The following ROCK2 variants were observed in gnomAD, a reference collection of about 807,000 sequenced individuals.
ROCK2 encodes the protein Rho associated coiled-coil containing protein kinase 2.
ROCK2 carries 61 observed loss-of-function variants against 195.1 expected under a neutral mutation model. The ratio of observed to expected loss-of-function variants is 0.31; its 90% CI spans 0.25 to 0.39. The LOEUF (loss-of-function observed/expected upper bound fraction) is 0.39, where lower values mean the gene tolerates loss of function less well. Ranked by LOEUF, ROCK2 falls within the 10% of genes least tolerant of loss-of-function variation. ROCK2 has a pLI of 1.00. For missense variants in ROCK2, 1,109 were observed against 1,637.4 expected (o/e 0.68, Z 5.57); for synonymous variants, 504 against 545.5 (o/e 0.92, Z 1.06).
chr2:11,217,789 G>A (rs1664486207), intron 11 of ROCK2: 1 of 153,120 alleles, frequency 6.5e-6, no homozygotes, highest in Non-Finnish European at 1.5e-5. Context: ...TCCATTTTTG[G>A]AACATTATTT....
intron 3 of ROCK2, among the ~76,000 whole-genome samples, chr2:11,285,559 G>A (rs1314098507): frequency 6.6e-6 from 1 of 152,120 alleles, no homozygotes; most frequent in Non-Finnish European, 1.5e-5. Context: ...ACAGTGAGGT[G>A]TCTCATGCTT....
At position 11,214,824 on chromosome 2, in the gene ROCK2, A is replaced by G; in HGVS notation, c.1936+16T>C. The G allele has an allele frequency of 1.3e-6, 2 of 1,584,532 alleles. No homozygotes were observed. On this transcript the variant is annotated intron_variant, in intron 16 of 32. Transcript: ENST00000315872. ...AATCATCAAAATTAATTCAAGTGCA[A>G]CCACGACTTCAATACCTTGTAAATC...
chr2:11,318,290 T>A (rs2148243597), intron 1 of ROCK2, among the ~76,000 whole-genome samples: 1 of 152,352 alleles, frequency 6.6e-6, no homozygotes, highest in Non-Finnish European at 1.5e-5. Flanking sequence ...TCCTGACTTT[T>A]TAATGATAGC....
At chr2:11,252,944 TAATAATAATAATAATA>T (rs1271848468) in intron 3 of ROCK2, among the ~76,000 whole-genome samples, 1 of 89,312 alleles carries the variant, frequency 1.1e-5, no homozygotes, top group African/African-American at 5.2e-5. Context: ...AAAAGTATAA[TAATAATAATAATAATA>T]ATAATAATAA....
At chr2:11,293,197 G>A (rs183679162) in intron 1 of ROCK2, among the ~76,000 whole-genome samples, 2 of 152,132 alleles carry the variant, frequency 1.3e-5, no homozygotes, top group Admixed American at 6.5e-5. Flanking sequence ...ACATCATCAC[G>A]GTTCTGCCAT....
Position 11,182,536 on chromosome 2 carries a change from T to C in ROCK2, c.*901A>G, listed in dbSNP as rs758857096. On this transcript the variant is annotated 3_prime_UTR_variant, in exon 33 of 33. Transcript: ENST00000315872. The stretch of plus-strand genomic sequence containing the variant: ...ATAACCAATAATACTTTAAAAACAT[T>C]TGTTAATCAAAATAGGCTGACATTG... The C allele has an allele frequency of 6.6e-6, 1 of 152,278 alleles. No homozygotes were observed. Among genetic ancestry groups the C allele is most frequent in the Non-Finnish European group, 1.5e-5 (1 of 68,046 alleles). 9.4% of individuals were successfully genotyped at this position (152,278 alleles called of 1,614,324 possible).
At chr2:11,191,141 C>T (rs1270094683) in intron 32 of ROCK2, among the ~76,000 whole-genome samples, 1 of 152,148 alleles carries the variant, frequency 6.6e-6, no homozygotes, top group Non-Finnish European at 1.5e-5. Flanking sequence ...CAAAAGGATA[C>T]CTGAAATCAG....
At chr2:11,188,103 ATTT>A (rs747304783) in intron 32 of ROCK2, among the ~76,000 whole-genome samples, 9 of 112,624 alleles carry the variant, frequency 8.0e-5, no homozygotes, top group Non-Finnish European at 1.2e-4. Flanking sequence ...CTGGTATATA[ATTT>A]TTTTTTTTTT....
In ROCK2 at chr2:11,236,563, T is replaced by C. The variant is rs183361379; in HGVS notation, c.463-601A>G. 7.9e-5 allele frequency among the ~76,000 whole-genome samples: 12 copies of C among 152,264 alleles called. No homozygotes were observed. The East Asian group carries it at 9.6e-4, about 12-fold the overall frequency. On this transcript the variant is annotated intron_variant, in intron 4 of 32. Transcript: ENST00000315872. ...GTTTACTGAGACTATAGCAGTAGCA[T>C]TGGGACCAGAGAAAGAAGATACCAG...
chr2:11,335,108 TACACACAC>T (rs59721285), intron 1 of ROCK2, among the ~76,000 whole-genome samples: 1,584 of 144,786 alleles, frequency 0.011, 13 homozygotes, highest in African/African-American at 0.018. Flanking sequence ...CTTTGACTGA[TACACACAC>T]ACACACACAC....
In ROCK2 at chr2:11,181,617, G is replaced by A. The variant is rs928282345; in HGVS notation, c.*1820C>T. On this transcript the variant is annotated 3_prime_UTR_variant, in exon 33 of 33. Coordinates refer to ENST00000315872, the MANE Select transcript of ROCK2 (RefSeq NM_004850.5). ...ATGAAAAATGTCTATTTCCTTCATC[G>A]AAATATTAGATGACTTTTTTTTTTT... 5 of 148,764 alleles carry A rather than the reference G, an allele frequency of 3.4e-5. No homozygotes were observed. The highest frequency in any genetic ancestry group is 1.3e-4 in the Admixed American group (2 of 14,918). 9.2% of individuals were successfully genotyped at this position (148,764 alleles called of 1,614,324 possible). A position where few individuals can be genotyped will look rare whatever the true frequency, so the allele number is the denominator to read the frequency against.
chr2:11,216,720 C>CT lies in ROCK2; in HGVS notation c.1412+369dup, dbSNP rs1012481446. On this transcript the variant is annotated intron_variant, in intron 12 of 32. Coordinates refer to ENST00000315872, the MANE Select transcript of ROCK2 (RefSeq NM_004850.5). ...CCATAGCTCTCCGTTTCTGTTTTTT[C>CT]TTTTTTTTTCTTTTGTTTCTTTGAG... 4.1e-5 allele frequency among the ~76,000 whole-genome samples: 6 copies of CT among 147,838 alleles called. No individual in the cohort carries two copies. In the East Asian group the frequency reaches 1.0e-3, roughly 25 times the overall value.
intron 13 of ROCK2, among the ~76,000 whole-genome samples, chr2:11,215,909 A>T (rs1664409492): frequency 6.6e-6 from 1 of 152,240 alleles, no homozygotes; most frequent in Non-Finnish European, 1.5e-5. Context: ...CTTTGGCCTA[A>T]AATGTTATGA....
intron 6 of ROCK2, among the ~76,000 whole-genome samples, chr2:11,226,960 C>A (rs1209842308): frequency 6.6e-6 from 1 of 150,544 alleles, no homozygotes; most frequent in Non-Finnish European, 1.5e-5. Flanking sequence ...AATGAAGGCC[C>A]ACTGAAGCTG....
At position 11,182,952 on chromosome 2, in the gene ROCK2, CTATA is replaced by C. The variant is rs4027163; in HGVS notation, c.*481_*484del. The C allele has an allele frequency of 9.3e-3, 1,377 of 148,412 alleles. 10 individuals carry two copies. Among genetic ancestry groups the C allele is most frequent in the African/African-American group, 0.024 (970 of 40,444 alleles). The allele number at this position is 148,412 out of a possible 1,614,324, so 9.2% of individuals were successfully genotyped here. A position where few individuals can be genotyped will look rare whatever the true frequency, so the allele number is the denominator to read the frequency against. ...AAAACCTTCTTGCAGTATTAGAGTA[CTATA>C]TATATATATATATATGTGTGTGTGT... is the stretch of plus-strand genomic sequence containing the variant. On this transcript the variant is annotated 3_prime_UTR_variant, in exon 33 of 33. Transcript: ENST00000315872.
intron 1 of ROCK2, among the ~76,000 whole-genome samples, chr2:11,297,951 T>C (rs1667586962): frequency 1.3e-5 from 2 of 152,074 alleles, no homozygotes; most frequent in South Asian, 4.1e-4. Flanking sequence ...AAAATAAAAA[T>C]TTCATGAAAA....
At chr2:11,309,075 A>T in intron 1 of ROCK2, 2 of 1,327,032 alleles carry the variant, frequency 1.5e-6, no homozygotes, top group Non-Finnish European at 2.1e-6. Context: ...GAGGGAGTCC[A>T]ATGCAAAGCT....
chr2:11,204,693 G>T (rs551623282), intron 20 of ROCK2, among the ~76,000 whole-genome samples: 18 of 152,252 alleles, frequency 1.2e-4, no homozygotes, highest in African/African-American at 3.9e-4. Flanking sequence ...TATATTGGCA[G>T]TAATTATTCA....
At chr2:11,204,639 A>G (rs143163293) in intron 20 of ROCK2, among the ~76,000 whole-genome samples, 2 of 152,156 alleles carry the variant, frequency 1.3e-5, no homozygotes, top group Non-Finnish European at 2.9e-5. Flanking sequence ...CTTTTGTTCT[A>G]CATTTTAGGA....
Sources: allele counts gnomAD v4.1 joint callset (sites outside exome capture counted in the v4.1 genomes callset), GRCh38; gene constraint gnomAD v4.1.1; transcripts MANE v1.5; gene names NCBI Gene and HGNC (gene_info 2026-07-23, HGNC 2026-07-21).